Variants in IQCH observed in about 807,000 individuals in gnomAD.
The protein encoded by IQCH is IQ motif containing H.
A neutral mutation model predicts 117.0 loss-of-function variants in IQCH; 98 were observed. That is an observed-to-expected ratio of 0.84 (90% confidence interval 0.71 to 0.99). IQCH has a LOEUF of 0.99. IQCH is among the 50% of genes least tolerant of loss of function. The probability of loss-of-function intolerance (pLI) is 0.00; values close to 1 mark genes in which losing one functional copy is unlikely to be tolerated. For synonymous variants in IQCH, 412 were observed against 448.2 expected (o/e 0.92, Z 1.02); for missense variants, 1,102 against 1,243.8 (o/e 0.89, Z 1.72).
intron 3 of IQCH, among the ~76,000 whole-genome samples, chr15:67,265,506 G>A (rs1215792332): frequency 2.6e-5 from 4 of 152,198 alleles, no homozygotes; most frequent in Non-Finnish European, 5.9e-5. Flanking sequence ...AGCTGTGAAT[G>A]TGTAGGGCTA....
rs1425770516 is a variant in IQCH, at chr15:67,490,854, A to G, written c.2861+790A>G. Among the ~76,000 whole-genome samples, 1 of 152,212 alleles carries G rather than the reference A, an allele frequency of 6.6e-6. No individual in the cohort carries two copies. The highest frequency in any genetic ancestry group is 1.5e-5 in the Non-Finnish European group (1 of 68,040). On this transcript the variant is annotated intron_variant, in intron 19 of 20. Coordinates refer to ENST00000335894, the MANE Select transcript of IQCH (RefSeq NM_001031715.3). The surrounding 1 kb of genome is among the most constrained non-coding windows in gnomAD (Gnocchi z 4.9). The stretch of plus-strand genomic sequence containing the variant: ...AGCACAGGCTGCTGGCAACACTCGG[A>G]GGCTTCCGCACTTCTCCCAGATTTC...
intron 9 of IQCH, 61 bp downstream of exon 9, chr15:67,372,723 G>T: frequency 7.0e-7 from 1 of 1,428,850 alleles, no homozygotes; most frequent in South Asian, 1.4e-5. Context: ...GTGCTTGAGC[G>T]GTTGTAATAA....
At chr15:67,348,377 A>G (rs1030889702) in intron 6 of IQCH, among the ~76,000 whole-genome samples, 2 of 151,754 alleles carry the variant, frequency 1.3e-5, no homozygotes, top group Non-Finnish European at 2.9e-5. Flanking sequence ...ACACACACAC[A>G]CACGCACACA....
intron 6 of IQCH, among the ~76,000 whole-genome samples, chr15:67,351,771 G>A (rs190424120): frequency 1.3e-4 from 20 of 152,052 alleles, no homozygotes; most frequent in Admixed American, 9.8e-4. Flanking sequence ...CATTTTGTCT[G>A]TTAATATAGC....
At position 67,396,948 on chromosome 15, in the gene IQCH, C is replaced by T. The variant is rs191739825; in HGVS notation, c.1905+1385C>T. ...AAGGAGGTTTCTCTTAACGGTATCA[C>T]AACCTAGGACAGTCGCAGGCAATTT... On this transcript the variant is annotated intron_variant, in intron 13 of 20. Coordinates refer to ENST00000335894, the MANE Select transcript of IQCH (RefSeq NM_001031715.3). 9.8e-5 allele frequency among the ~76,000 whole-genome samples: 15 copies of T among 152,306 alleles called. No individual in the cohort carries two copies. In the East Asian group the frequency reaches 2.5e-3, roughly 25 times the overall value.
At chr15:67,335,776 C>T (rs1464012799) in intron 4 of IQCH, among the ~76,000 whole-genome samples, 1 of 152,152 alleles carries the variant, frequency 6.6e-6, no homozygotes, top group Non-Finnish European at 1.5e-5. Flanking sequence ...ACAGATTGCA[C>T]TAACAGTCTA....
chr15:67,443,438 G>A lies in IQCH; in HGVS notation c.2506-21689G>A, dbSNP rs2082326527. 1.3e-5 allele frequency among the ~76,000 whole-genome samples: 2 copies of A among 151,962 alleles called. No individual in the cohort carries two copies. Among genetic ancestry groups the A allele is most frequent in the South Asian group, 4.2e-4 (2 of 4,816 alleles). ...TGGGGACTTGGGGGAAAGAGTGGGA[G>A]GGGGTGAGGGACAAAAGACCACAAA... On this transcript the variant is annotated intron_variant, in intron 16 of 20. Coordinates refer to ENST00000335894, the MANE Select transcript of IQCH (RefSeq NM_001031715.3). This position sits in a 1 kb window ranked among gnomAD's most constrained non-coding sequence, Gnocchi z 5.0.
intron 4 of IQCH, among the ~76,000 whole-genome samples, chr15:67,293,451 C>T (rs1966820320): frequency 6.6e-6 from 1 of 152,118 alleles, no homozygotes; most frequent in Admixed American, 6.6e-5. Context: ...TATGTACATC[C>T]TCCTGTACAC....
At chr15:67,449,518 A>G (rs1026677766) in intron 16 of IQCH, among the ~76,000 whole-genome samples, 1 of 152,174 alleles carries the variant, frequency 6.6e-6, no homozygotes, top group African/African-American at 2.4e-5. Flanking sequence ...CAGGTTTGTC[A>G]TAGATCAGAT....
At chr15:67,284,121 A>G (rs934586010) in intron 4 of IQCH, among the ~76,000 whole-genome samples, 1 of 152,066 alleles carries the variant, frequency 6.6e-6, no homozygotes. Flanking sequence ...CTGTTTTACT[A>G]TCAAATACTA....
At position 67,339,531 on chromosome 15, in the gene IQCH, G is replaced by C. The variant is rs143585431; in HGVS notation, c.508+2436G>C. Reference sequence around the variant, plus strand: ...TCATGTCTATAGATAAGAATTATTTGCATTATGATCAGTTATTTACAAAGT... The same window carrying C: ...TCATGTCTATAGATAAGAATTATTTCCATTATGATCAGTTATTTACAAAGT... On this transcript the variant is annotated intron_variant, in intron 5 of 20. Transcript: ENST00000335894. Among the ~76,000 whole-genome samples the C allele has an allele frequency of 6.8e-4, 104 of 152,258 alleles. 4 individuals are homozygous for C. The East Asian group carries it at 0.012, about 18-fold the overall frequency.
At position 67,390,026 on chromosome 15, in the gene IQCH, A is replaced by G. The variant is rs1411399343; in HGVS notation, c.1632+1020A>G. Among the ~76,000 whole-genome samples the G allele has an allele frequency of 6.6e-6, 1 of 152,174 alleles. No individual in the cohort carries two copies. The highest frequency in any genetic ancestry group is 1.5e-5 in the Non-Finnish European group (1 of 68,028). On this transcript the variant is annotated intron_variant, in intron 12 of 20. Transcript: ENST00000335894. This position sits in a 1 kb window ranked among gnomAD's most constrained non-coding sequence, Gnocchi z 5.0. ...ACCAAAATGAAGATTTTATTTTTTCATAACTGGATGCCTCAGTATTCCCCT... is the reference window on the plus strand; with the variant it reads ...ACCAAAATGAAGATTTTATTTTTTCGTAACTGGATGCCTCAGTATTCCCCT...
chr15:67,434,782 TTTC>T (rs1282343474), intron 16 of IQCH, among the ~76,000 whole-genome samples: 5 of 140,150 alleles, frequency 3.6e-5, no homozygotes, highest in East Asian at 2.1e-4. Context: ...TTTCTTTTCT[TTTC>T]TTTTTTTTTT....
chr15:67,400,226 C>G lies in IQCH; in HGVS notation c.2018C>G (p.Ser673Cys), dbSNP rs1217339563. 1 of 1,613,520 alleles carries G rather than the reference C, an allele frequency of 6.2e-7. No homozygotes were observed. ...GGGACTGCATTTTGTGATATTCCTTCCTACCTAAAGTGCTACAAATGGGTG... is the reference window on the plus strand; with the variant it reads ...GGGACTGCATTTTGTGATATTCCTTGCTACCTAAAGTGCTACAAATGGGTG... ...GNGTAFCDIP[S>C]YLKCYKWVLK... Residue 673 changes from serine to cysteine, a missense_variant, in exon 14 of 21, where the codon TCC becomes TGC. By Grantham distance (112) the Ser-to-Cys change is moderately radical. Around this residue, in one of 2 missense-constraint regions of IQCH, gnomAD observed 650 missense variants for 794.3 expected, o/e 0.82. Coordinates refer to ENST00000335894, the MANE Select transcript of IQCH (RefSeq NM_001031715.3).
chr15:67,337,992 G>A (rs534623024), intron 5 of IQCH, among the ~76,000 whole-genome samples: 3 of 152,140 alleles, frequency 2.0e-5, no homozygotes, highest in Non-Finnish European at 4.4e-5. Flanking sequence ...GATTTGTTAA[G>A]CTTCTCACAA....
chr15:67,496,215 G>T lies in IQCH; in HGVS notation c.2970+1849G>T, dbSNP rs1356588523. Among the ~76,000 whole-genome samples the T allele has an allele frequency of 6.6e-6, 1 of 152,170 alleles. No homozygotes were observed. The highest frequency in any genetic ancestry group is 1.5e-5 in the Non-Finnish European group (1 of 68,040). On this transcript the variant is annotated intron_variant, in intron 20 of 20. Transcript: ENST00000335894. The surrounding 1 kb of genome is among the most constrained non-coding windows in gnomAD (Gnocchi z 4.4). Reference sequence around the variant, plus strand: ...GCCTGTAGTCCCAGCTACTTGGGGGGCTGAGGTGGGAGAATCATTTGAGCC... The same window carrying T: ...GCCTGTAGTCCCAGCTACTTGGGGGTCTGAGGTGGGAGAATCATTTGAGCC...
intron 1 of IQCH, 77 bp downstream of exon 1, chr15:67,255,024 C>G: frequency 7.2e-7 from 1 of 1,389,346 alleles, no homozygotes; most frequent in Non-Finnish European, 1.0e-6. Context: ...GCCGATTCAC[C>G]GACGCTCACC....
At chr15:67,361,761 G>T (rs1052085003) in intron 8 of IQCH, among the ~76,000 whole-genome samples, 1 of 152,104 alleles carries the variant, frequency 6.6e-6, no homozygotes, top group African/African-American at 2.4e-5. Context: ...AGTCAGTCAG[G>T]CTTTGCACAG....
chr15:67,429,407 A>G (rs1409643655), intron 16 of IQCH, among the ~76,000 whole-genome samples: 5 of 152,166 alleles, frequency 3.3e-5, no homozygotes, highest in African/African-American at 1.2e-4. Context: ...AGTCCCAGCT[A>G]CTCAGGAGAC....
Sources: allele counts gnomAD v4.1 joint callset (sites outside exome capture counted in the v4.1 genomes callset), GRCh38; gene constraint gnomAD v4.1.1; regional missense constraint gnomAD v4.1.1; non-coding constraint Gnocchi (gnomAD v3.1); transcripts MANE v1.5; gene names NCBI Gene and HGNC (gene_info 2026-07-23, HGNC 2026-07-21).